The following DAND5 variants were observed in gnomAD, a reference collection of about 807,000 sequenced individuals.
DAND5 encodes DAN domain family member 5.
A neutral mutation model predicts 9.2 loss-of-function variants in DAND5; 8 were observed. That is an observed-to-expected ratio of 0.87 (90% CI 0.51 to 1.56). The LOEUF (loss-of-function observed/expected upper bound fraction) is 1.56. DAND5 is among the 40% of genes most tolerant of loss of function. The pLI, the probability that DAND5 is intolerant of heterozygous loss-of-function variation, is 0.00. For synonymous variants in DAND5, 95 were observed against 101.1 expected, an observed-to-expected ratio of 0.94 and a Z score of 0.36; for missense variants, 244 against 244.7, an observed-to-expected ratio of 1.00 and a Z score of 0.02.
intron 1 of DAND5, among the ~76,000 whole-genome samples, chr19:12,970,217 G>A (rs372632265): frequency 4.0e-5 from 6 of 151,858 alleles, no homozygotes; most frequent in African/African-American, 1.2e-4. Context: ...AGCAGCCAGA[G>A]GGTGCCTGTG....
At chr19:12,973,366 C>A in intron 1 of DAND5, 23 bp from the exon 2 acceptor site, 1 of 1,610,922 alleles carries the variant, frequency 6.2e-7, no homozygotes, top group South Asian at 1.1e-5. Context: ...CCACCCTGAC[C>A]GTCTCCATGC....
At chr19:12,970,939 C>A (rs962891660) in intron 1 of DAND5, among the ~76,000 whole-genome samples, 1 of 152,216 alleles carries the variant, frequency 6.6e-6, no homozygotes, top group South Asian at 2.1e-4. Context: ...CCTCGGCCCC[C>A]CAAGTGCTGG....
chr19:12,972,755 G>A (rs2011151422), intron 1 of DAND5, among the ~76,000 whole-genome samples: 1 of 151,658 alleles, frequency 6.6e-6, no homozygotes, highest in Non-Finnish European at 1.5e-5. Context: ...TGGCCAAGCT[G>A]GTCTCAAACT....
chr19:12,973,863 C>CTTTT lies in DAND5; in HGVS notation c.*243_*246dup. ...ACAGCACACAATGATTGACAACTCA[C>CTTTT]TTTTTTTTTTTTTTTTTGAGATGGA... On this transcript the variant is annotated 3_prime_UTR_variant, in exon 2 of 2. Transcript: ENST00000317060. The CTTTT allele has an allele frequency of 8.9e-5, 31 of 348,448 alleles. No individual in the cohort carries two copies. Among genetic ancestry groups the CTTTT allele is most frequent in the East Asian group, 1.2e-4 (2 of 16,804 alleles). 21.6% of individuals were successfully genotyped at this position (348,448 alleles called of 1,614,324 possible). A position where few individuals can be genotyped will look rare whatever the true frequency, so the allele number is the denominator to read the frequency against.
rs1397597990 is a variant in DAND5, at chr19:12,974,603, G to T, written c.*969G>T. On this transcript the variant is annotated 3_prime_UTR_variant, in exon 2 of 2. Coordinates refer to ENST00000317060, the MANE Select transcript of DAND5 (RefSeq NM_152654.3). ...GACAGCTGCTGGGGGAAATCCTGGG[G>T]TCCTTGAGACAGAGGCAGGACCCTC... is the stretch of plus-strand genomic sequence containing the variant. 1.3e-5 allele frequency: 2 copies of T among 152,358 alleles called. No homozygotes were observed. Among genetic ancestry groups the T allele is most frequent in the African/African-American group, 2.4e-5 (1 of 41,384 alleles). The allele number at this position is 152,358 out of a possible 1,614,324, so 9.4% of individuals were successfully genotyped here.
rs915470966 is a variant in DAND5, at chr19:12,969,642, C to G, written c.-19C>G. ...CAGTCCGGACAGACAGACAGGCAGACAGACGCACGGACAAGCAGATGCTCC... is the reference window on the plus strand; with the variant it reads ...CAGTCCGGACAGACAGACAGGCAGAGAGACGCACGGACAAGCAGATGCTCC... On this transcript the variant is annotated 5_prime_UTR_variant, in exon 1 of 2. Transcript: ENST00000317060. 1 of 1,579,882 alleles carries G rather than the reference C, an allele frequency of 6.3e-7. No homozygotes were observed. Among genetic ancestry groups the G allele is most frequent in the Non-Finnish European group, 8.6e-7 (1 of 1,165,314 alleles).
At chr19:12,970,068 T>C in intron 1 of DAND5, 84 bp downstream of exon 1, 1 of 1,512,486 alleles carries the variant, frequency 6.6e-7, no homozygotes, top group Non-Finnish European at 8.9e-7. Flanking sequence ...AGATTTGGGT[T>C]CAAGTCCTGT....
chr19:12,972,282 A>C (rs1187358072), intron 1 of DAND5, among the ~76,000 whole-genome samples: 1 of 151,690 alleles, frequency 6.6e-6, no homozygotes, highest in Non-Finnish European at 1.5e-5. Flanking sequence ...GATGGTCTCG[A>C]TCTCCTGACT....
At position 12,973,516 on chromosome 19, in the gene DAND5, C is replaced by G; in HGVS notation, c.452C>G (p.Ala151Gly). Residue 151 changes from alanine to glycine, a missense_variant, in exon 2 of 2, where the codon GCT (alanine) becomes GGT (glycine). Transcript: ENST00000317060. ...PLVLCNSCMP[A>G]RKRWAPVVLW... ...GTCCTGTGCAACAGCTGTATGCCTG[C>G]TCGCAAGCGTTGGGCACCCGTGGTC... is the stretch of plus-strand genomic sequence containing the variant. The G allele has an allele frequency of 6.2e-7, 1 of 1,614,188 alleles. No homozygotes were observed. The highest frequency in any genetic ancestry group is 8.5e-7 in the Non-Finnish European group (1 of 1,180,044).
intron 1 of DAND5, among the ~76,000 whole-genome samples, chr19:12,972,825 G>C (rs1004702396): frequency 2.0e-5 from 3 of 149,770 alleles, no homozygotes; most frequent in African/African-American, 4.9e-5. Context: ...ACAGGCTTGA[G>C]CCACCACACC....
rs181131869 is a variant in DAND5 at position 12,969,702 on chromosome 19, C to T, written c.42C>T (p.Ser14=). 1.5e-5 allele frequency: 24 copies of T among 1,607,028 alleles called. No individual in the cohort carries two copies. The highest frequency in any genetic ancestry group is 6.8e-5 in the Admixed American group (4 of 58,576). The change falls in exon 1 of 2, where the codon AGC becomes AGT. Residue 14 remains serine (S), a synonymous_variant. Coordinates refer to ENST00000317060, the MANE Select transcript of DAND5 (RefSeq NM_152654.3). ...TATCCACTCTTCTGTGCCTGCTTAG[C>T]GGGGCCCTGCCTACAGGCTCAGGGA... is the stretch of plus-strand genomic sequence containing the variant. ...GQLSTLLCLL[S]GALPTGSGRP...
chr19:12,971,967 T>C lies in DAND5; in HGVS notation c.325-1422T>C, dbSNP rs202063882. 3.9e-5 allele frequency among the ~76,000 whole-genome samples: 6 copies of C among 151,956 alleles called. No homozygotes were observed. In the East Asian group the frequency reaches 1.2e-3, roughly 30 times the overall value. On this transcript the variant is annotated intron_variant, in intron 1 of 1. Transcript: ENST00000317060. ...GTACAGTGGTGCGATCATAGCTCAC[T>C]GCAGATTTGAATTCCTAGGATCAAG...
rs1384596581 is a variant in DAND5 at position 12,969,893 on chromosome 19, A to G, written c.233A>G (p.Gln78Arg). 1.9e-6 allele frequency: 3 copies of G among 1,614,160 alleles called. No individual in the cohort carries two copies. Among genetic ancestry groups the G allele is most frequent in the Non-Finnish European group, 8.5e-7 (1 of 1,180,026 alleles). ...AGGCAGCTGGGGATGGGCAGGCTGC[A>G]GCGTGGGCAAGACGAGGTGGCTGCT... ...KARQLGMGRLQRGQDEVAAVT... is the reference protein window; with the variant it reads ...KARQLGMGRLRRGQDEVAAVT... Residue 78 changes from glutamine to arginine, a missense_variant, in exon 1 of 2, where the codon CAG (glutamine) becomes CGG (arginine). Coordinates refer to ENST00000317060, the MANE Select transcript of DAND5 (RefSeq NM_152654.3).
At chr19:12,972,669 T>G (rs1469910028) in intron 1 of DAND5, among the ~76,000 whole-genome samples, 1 of 151,976 alleles carries the variant, frequency 6.6e-6, no homozygotes, top group African/African-American at 2.4e-5. Flanking sequence ...GCCTCCCATG[T>G]AACTGGGATT....
intron 1 of DAND5, among the ~76,000 whole-genome samples, chr19:12,972,942 A>C (rs2011152760): frequency 6.9e-6 from 1 of 144,670 alleles, no homozygotes; most frequent in South Asian, 2.2e-4. Flanking sequence ...GGCTCACTAC[A>C]AGCTCCGCCT....
In DAND5 at chr19:12,973,705, C is replaced by T. The variant is rs547429636; in HGVS notation, c.*71C>T. On this transcript the variant is annotated 3_prime_UTR_variant, in exon 2 of 2. Coordinates refer to ENST00000317060, the MANE Select transcript of DAND5 (RefSeq NM_152654.3). ...ATGAGGGGAGATGGACCAAGAAAGA[C>T]GTGGACCTGGATGATGTACTCTGGG... 12 of 1,565,614 alleles carry T rather than the reference C, an allele frequency of 7.7e-6. No homozygotes were observed. The highest frequency in any genetic ancestry group is 5.4e-5 in the African/African-American group (4 of 74,472).
intron 1 of DAND5, among the ~76,000 whole-genome samples, chr19:12,973,151 C>A (rs569415757): frequency 3.9e-5 from 6 of 152,142 alleles, no homozygotes; most frequent in Non-Finnish European, 7.3e-5. Context: ...CGTGAGCCAC[C>A]GCGCCCGGCC....
At position 12,973,431 on chromosome 19, in the gene DAND5, C is replaced by T. The variant is rs778580929; in HGVS notation, c.367C>T (p.His123Tyr). ...PGCSAIRLRN[H>Y]LCFGHCSSLY... ...CTGCTCAGCCATACGCCTCCGAAAT[C>T]ATCTGTGCTTTGGTCATTGCTCCTC... is the stretch of plus-strand genomic sequence containing the variant. Residue 123 changes from histidine to tyrosine, a missense_variant, in exon 2 of 2, where the codon CAT (histidine) becomes TAT (tyrosine). By Grantham distance (83) the His-to-Tyr change is moderately conservative. Coordinates refer to ENST00000317060, the MANE Select transcript of DAND5 (RefSeq NM_152654.3). 1.1e-5 allele frequency: 17 copies of T among 1,614,186 alleles called. No homozygotes were observed. The South Asian group carries it at 1.9e-4, about 18-fold the overall frequency.
chr19:12,973,129 T>C (rs1417093549), intron 1 of DAND5, among the ~76,000 whole-genome samples: 6 of 152,192 alleles, frequency 3.9e-5, no homozygotes, highest in Non-Finnish European at 8.8e-5. Flanking sequence ...CCCAAAGTGC[T>C]GGGATTACAG....
Sources: gnomAD v4.1 joint callset for allele counts (sites outside exome capture counted in the v4.1 genomes callset) on GRCh38, gnomAD v4.1.1 for gene constraint, MANE v1.5 for transcripts, NCBI Gene and HGNC (gene_info 2026-07-23, HGNC 2026-07-21) for gene names.